Variants in FRMD4A observed in about 807,000 individuals in gnomAD.
FRMD4A encodes the protein FERM domain containing 4A, also known as FERM domain-containing protein 4A.
FRMD4A carries 29 observed loss-of-function variants against 129.1 expected under a neutral mutation model. That is an observed-to-expected ratio of 0.22 (90% confidence interval 0.17 to 0.31). FRMD4A has a LOEUF of 0.31. Ranked by LOEUF, FRMD4A falls within the 10% of genes least tolerant of loss-of-function variation. The pLI, the probability that FRMD4A is intolerant of heterozygous loss-of-function variation, is 1.00. For synonymous variants in FRMD4A, 634 were observed against 571.6 expected, an observed-to-expected ratio of 1.11 and a Z score of -1.56; for missense variants, 1,272 against 1,375.8, an observed-to-expected ratio of 0.92 and a Z score of 1.19.
chr10:13,808,130 C>T (rs1230881086), intron 4 of FRMD4A, among the ~76,000 whole-genome samples: 1 of 152,230 alleles, frequency 6.6e-6, no homozygotes, highest in Non-Finnish European at 1.5e-5. Flanking sequence ...CAGGAACAAT[C>T]ATGCTGCTGG....
chr10:13,911,341 A>T (rs1233891370), intron 2 of FRMD4A, among the ~76,000 whole-genome samples: 5 of 152,214 alleles, frequency 3.3e-5, no homozygotes, highest in Non-Finnish European at 7.3e-5. Context: ...CCTCAAGTTC[A>T]GTTCATATTA....
intron 2 of FRMD4A, among the ~76,000 whole-genome samples, chr10:14,168,117 G>T (rs1011758324): frequency 3.3e-5 from 5 of 152,180 alleles, no homozygotes; most frequent in Non-Finnish European, 5.9e-5. Context: ...AGGCAGAATG[G>T]GTGGGTGAGG....
chr10:13,858,487 C>A (rs1218860082), intron 3 of FRMD4A, among the ~76,000 whole-genome samples: 1 of 152,148 alleles, frequency 6.6e-6, no homozygotes, highest in African/African-American at 2.4e-5. Context: ...CTTTTTCTAT[C>A]CCCTCTGAGC....
intron 2 of FRMD4A, among the ~76,000 whole-genome samples, chr10:14,179,403 GTCT>G (rs1240348161): frequency 2.6e-5 from 4 of 151,970 alleles, no homozygotes; most frequent in Non-Finnish European, 5.9e-5. Context: ...GATAGAAAAG[GTCT>G]TCTTCCTGGA....
At position 13,644,227 on chromosome 10, in the gene FRMD4A, T is replaced by C. The variant is rs2080976904; in HGVS notation, c.*2811A>G. 1 of 152,268 alleles carries C rather than the reference T, an allele frequency of 6.6e-6. No homozygotes were observed. The highest frequency in any genetic ancestry group is 2.4e-5 in the African/African-American group (1 of 41,468). 9.4% of individuals were successfully genotyped at this position (152,268 alleles called of 1,614,324 possible). The stretch of plus-strand genomic sequence containing the variant: ...TTCTGGCTGAAACAGGCAATTTCTT[T>C]TACGCATCCGAAGAATCCAATAGGG... On this transcript the variant is annotated 3_prime_UTR_variant, in exon 25 of 25. Coordinates refer to ENST00000357447, the MANE Select transcript of FRMD4A (RefSeq NM_018027.5).
chr10:13,774,051 T>G (rs1441016565), intron 6 of FRMD4A, among the ~76,000 whole-genome samples: 1 of 152,192 alleles, frequency 6.6e-6, no homozygotes, highest in Non-Finnish European at 1.5e-5. Flanking sequence ...CTGGCCAATG[T>G]CCTCTCTATC....
intron 2 of FRMD4A, among the ~76,000 whole-genome samples, chr10:14,174,287 C>G (rs957358432): frequency 6.6e-6 from 1 of 151,830 alleles, no homozygotes; most frequent in East Asian, 1.9e-4. Context: ...CTCCCGCGCT[C>G]TCTCTCCTCC....
chr10:13,975,675 T>A (rs2095539895), intron 2 of FRMD4A, among the ~76,000 whole-genome samples: 1 of 152,034 alleles, frequency 6.6e-6, no homozygotes, highest in Non-Finnish European at 1.5e-5. Flanking sequence ...GTGTGTTTTA[T>A]GGGGGTCATT....
intron 3 of FRMD4A, among the ~76,000 whole-genome samples, chr10:13,842,782 T>C (rs1030436958): frequency 6.6e-6 from 1 of 152,158 alleles, no homozygotes; most frequent in African/African-American, 2.4e-5. Context: ...TGAGCTATGA[T>C]CACGCCACTG....
chr10:13,872,140 A>C (rs539105188), intron 2 of FRMD4A, among the ~76,000 whole-genome samples: 11 of 152,292 alleles, frequency 7.2e-5, no homozygotes, highest in South Asian at 6.2e-4. Context: ...CAGTGGAGTC[A>C]GGCCCTGATC....
At chr10:13,943,534 G>T (rs899152003) in intron 2 of FRMD4A, among the ~76,000 whole-genome samples, 23 of 150,684 alleles carry the variant, frequency 1.5e-4, no homozygotes, top group Non-Finnish European at 3.0e-5. Context: ...TGTAGTCCCA[G>T]CTACTTGGGA....
At position 14,261,941 on chromosome 10, in the gene FRMD4A, AACACACACACACACACACAC is replaced by A. The variant is rs55763234; in HGVS notation, c.45+68097_45+68116del. On this transcript the variant is annotated intron_variant, in intron 2 of 24. Transcript: ENST00000357447. The stretch of plus-strand genomic sequence containing the variant: ...TGTGACTCCATTTCTCACCACACCA[AACACACACACACACACACAC>A]ACACACACACACACACACACACACA... 3.9e-4 allele frequency among the ~76,000 whole-genome samples: 50 copies of A among 128,320 alleles called. 1 individual carries two copies. Among genetic ancestry groups the A allele is most frequent in the Non-Finnish European group, 5.7e-4 (34 of 60,160 alleles). The allele number at this position is 128,320 out of a possible 152,430, so 84.2% of individuals were successfully genotyped here.
chr10:13,680,534 G>A (rs961252222), intron 15 of FRMD4A, among the ~76,000 whole-genome samples: 1 of 152,102 alleles, frequency 6.6e-6, no homozygotes, highest in Non-Finnish European at 1.5e-5. Flanking sequence ...AGACCAGCCT[G>A]GCCAACATGG....
intron 2 of FRMD4A, among the ~76,000 whole-genome samples, chr10:13,999,134 C>A (rs1433591680): frequency 6.6e-6 from 1 of 152,248 alleles, no homozygotes; most frequent in East Asian, 1.9e-4. Context: ...TCTTTCCCCA[C>A]ATGGCTGTGT....
intron 12 of FRMD4A, among the ~76,000 whole-genome samples, chr10:13,735,847 A>G (rs146427734): frequency 5.3e-5 from 8 of 152,264 alleles, no homozygotes; most frequent in African/African-American, 1.9e-4. Flanking sequence ...AAAAACAGTC[A>G]GGCAGGTTGA....
At chr10:14,222,987 C>T (rs1451260035) in intron 2 of FRMD4A, among the ~76,000 whole-genome samples, 2 of 152,208 alleles carry the variant, frequency 1.3e-5, no homozygotes, top group African/African-American at 4.8e-5. Context: ...ACTCTGGAGA[C>T]TGAGGCATGA....
chr10:14,302,916 A>G (rs998018149), intron 2 of FRMD4A, among the ~76,000 whole-genome samples: 3 of 152,238 alleles, frequency 2.0e-5, no homozygotes, highest in Admixed American at 6.5e-5. Flanking sequence ...AAGCAACATT[A>G]GACAGCAGGA....
At chr10:13,935,689 A>T (rs1005306595) in intron 2 of FRMD4A, among the ~76,000 whole-genome samples, 10 of 151,954 alleles carry the variant, frequency 6.6e-5, no homozygotes, top group African/African-American at 2.4e-4. Flanking sequence ...TTTTTTCAGC[A>T]CCTGCGATGT....
At chr10:13,935,861 A>G (rs928988984) in intron 2 of FRMD4A, among the ~76,000 whole-genome samples, 1 of 152,254 alleles carries the variant, frequency 6.6e-6, no homozygotes, top group Admixed American at 6.5e-5. Flanking sequence ...TAGAAAAAGC[A>G]AGACTCAAAC....
Sources: gnomAD v4.1 joint callset for allele counts (sites outside exome capture counted in the v4.1 genomes callset) on GRCh38, gnomAD v4.1.1 for gene constraint, MANE v1.5 for transcripts, NCBI Gene and HGNC (gene_info 2026-07-23, HGNC 2026-07-21) for gene names.